ZDHHC11: variants seen among roughly 807,000 people sequenced by gnomAD.
ZDHHC11 encodes the protein palmitoyltransferase ZDHHC11.
A neutral mutation model predicts 51.3 loss-of-function variants in ZDHHC11; 44 were observed. That is an observed-to-expected ratio of 0.86 (90% confidence interval 0.67 to 1.10). The LOEUF (loss-of-function observed/expected upper bound fraction) is 1.10, where lower values mean the gene tolerates loss of function less well. ZDHHC11 is among the 50% of genes least tolerant of loss of function. The probability of loss-of-function intolerance (pLI) is 0.00; values close to 1 mark genes in which losing one functional copy is unlikely to be tolerated. For synonymous variants in ZDHHC11, 163 were observed against 222.0 expected (o/e 0.73, Z 2.36); for missense variants, 400 against 537.7 (o/e 0.74, Z 2.53).
In ZDHHC11 at chr5:818,994, T is replaced by C. The variant is rs1214349939; in HGVS notation, c.1146+531A>G. Reference sequence around the variant, plus strand: ...GACGGACACAGAGTCCATGTATCCATGTAACAAACACACACCATTCACACA... The same window carrying C: ...GACGGACACAGAGTCCATGTATCCACGTAACAAACACACACCATTCACACA... On this transcript the variant is annotated intron_variant, in intron 10 of 12. Coordinates refer to ENST00000283441, the MANE Select transcript of ZDHHC11 (RefSeq NM_024786.3). Among the ~76,000 whole-genome samples the C allele has an allele frequency of 3.3e-5, 5 of 151,476 alleles. No homozygotes were observed. In the East Asian group the frequency reaches 9.6e-4, roughly 29 times the overall value.
At chr5:840,694 G>A (rs376495523) in intron 4 of ZDHHC11, 44 bp from the exon 5 acceptor site, 83 of 1,610,768 alleles carry the variant, frequency 5.2e-5, no homozygotes, top group African/African-American at 3.7e-4. Flanking sequence ...ACCTGCTGAC[G>A]GGTGCCACAT....
At position 850,978 on chromosome 5, in the gene ZDHHC11, C is replaced by G. The variant is rs1397121586; in HGVS notation, c.-376G>C. 9.4e-6 allele frequency: 3 copies of G among 320,378 alleles called. No individual in the cohort carries two copies. The highest frequency in any genetic ancestry group is 1.7e-5 in the Non-Finnish European group (3 of 172,656). The allele number at this position is 320,378 out of a possible 1,614,324, so 19.8% of individuals were successfully genotyped here. ...CCCCACACAGCGACAGGTCCCACAA[C>G]CCGTTCACGAATACACAGGCCCACC... On this transcript the variant is annotated 5_prime_UTR_variant, in exon 1 of 13. Transcript: ENST00000283441.
At chr5:840,722 C>T (rs548022788) in intron 4 of ZDHHC11, 72 bp from the exon 5 acceptor site, 15 of 1,601,416 alleles carry the variant, frequency 9.4e-6, no homozygotes, top group Middle Eastern at 1.7e-4. Context: ...ACGTCACAGA[C>T]CAGAGCGTGC....
chr5:850,151 T>G (rs1312594536), intron 1 of ZDHHC11: 1 of 564,282 alleles, frequency 1.8e-6, no homozygotes, highest in African/African-American at 1.9e-5. Context: ...CCTGACAGAT[T>G]CCCTCTCCGG....
At chr5:824,143 C>G (rs1489965542) in intron 8 of ZDHHC11, 1 of 451,050 alleles carries the variant, frequency 2.2e-6, no homozygotes, top group Non-Finnish European at 4.5e-6. Context: ...GAAGCTGGCC[C>G]CATGACAAAA....
upstream of ZDHHC11, among the ~76,000 whole-genome samples, chr5:855,681 CCCA>C: frequency 6.7e-6 from 1 of 148,898 alleles, no homozygotes; most frequent in South Asian, 2.1e-4. Context: ...GGGGACAGAC[CCCA>C]CGGAGGACAG....
Position 819,684 on chromosome 5 carries a change from C to T in ZDHHC11, c.1059-72G>A, listed in dbSNP as rs1229933872. The T allele has an allele frequency of 1.3e-5, 20 of 1,491,960 alleles. 2 individuals are homozygous for T. The highest frequency in any genetic ancestry group is 1.2e-4 in the Admixed American group (7 of 58,560). 92.4% of individuals were successfully genotyped at this position (1,491,960 alleles called of 1,614,324 possible). A position where few individuals can be genotyped will look rare whatever the true frequency, so the allele number is the denominator to read the frequency against. On this transcript the variant is annotated intron_variant, in intron 9 of 12. Coordinates refer to ENST00000283441, the MANE Select transcript of ZDHHC11 (RefSeq NM_024786.3). ...GCGCTCAGGATGGCACTGGAGGCTA[C>T]AGTGTGTCCTGTAAGCACCACTGCA...
chr5:822,844 AT>A (rs1198058192), intron 8 of ZDHHC11, among the ~76,000 whole-genome samples: 13 of 151,788 alleles, frequency 8.6e-5, no homozygotes, highest in African/African-American at 3.1e-4. Flanking sequence ...AGCTACTCTA[AT>A]GGGGTGCAGC....
intron 11 of ZDHHC11, among the ~76,000 whole-genome samples, chr5:812,620 G>C (rs1272670620): frequency 1.3e-5 from 2 of 151,110 alleles, no homozygotes; most frequent in African/African-American, 4.9e-5. Flanking sequence ...TAAACCTTTT[G>C]GTAAAGTAAG....
At chr5:841,495 C>T (rs1744953412) in intron 4 of ZDHHC11, 1 of 994,144 alleles carries the variant, frequency 1.0e-6, no homozygotes, top group Admixed American at 6.1e-5. Flanking sequence ...GGTCACAGCA[C>T]CCATCCCTTC....
intron 11 of ZDHHC11, among the ~76,000 whole-genome samples, chr5:807,033 A>G (rs773980200): frequency 1.3e-5 from 2 of 151,086 alleles, no homozygotes; most frequent in Non-Finnish European, 3.0e-5. Flanking sequence ...TGTCAAGATC[A>G]AGCAGCACAG....
chr5:856,337 C>A (rs996479025), intron 1 of ZDHHC11, among the ~76,000 whole-genome samples: 1 of 151,022 alleles, frequency 6.6e-6, no homozygotes, highest in Non-Finnish European at 1.5e-5. Flanking sequence ...ACGCCACACA[C>A]CACACAATAC....
At chr5:854,573 G>C (rs1389738973), upstream of ZDHHC11, among the ~76,000 whole-genome samples, 2 of 149,984 alleles carry the variant, frequency 1.3e-5, no homozygotes, top group Non-Finnish European at 3.0e-5. Flanking sequence ...AGTGAGCCAG[G>C]GGTCACAGAT....
chr5:845,431 T>C (rs1348108283), intron 3 of ZDHHC11, among the ~76,000 whole-genome samples: 1 of 146,692 alleles, frequency 6.8e-6, no homozygotes, highest in Non-Finnish European at 1.5e-5. Flanking sequence ...CGGGGCCTCC[T>C]CTCCCCGCAG....
rs2150263326 is a variant in ZDHHC11, at chr5:796,547, G to C, written c.*41C>G. On this transcript the variant is annotated 3_prime_UTR_variant, in exon 13 of 13. Transcript: ENST00000283441. Reference sequence around the variant, plus strand: ...CCTTGATGGAGGGTGGGGTTTCAGGGTAGAAGACCTGGATCACAGGGGCAC... The same window carrying C: ...CCTTGATGGAGGGTGGGGTTTCAGGCTAGAAGACCTGGATCACAGGGGCAC... 1.3e-5 allele frequency: 2 copies of C among 148,914 alleles called. No individual in the cohort carries two copies. Among genetic ancestry groups the C allele is most frequent in the South Asian group, 4.5e-4 (2 of 4,424 alleles). 9.2% of individuals were successfully genotyped at this position (148,914 alleles called of 1,614,324 possible). A position where few individuals can be genotyped will look rare whatever the true frequency, so the allele number is the denominator to read the frequency against.
intron 12 of ZDHHC11, among the ~76,000 whole-genome samples, chr5:800,773 A>C (rs1482269243): frequency 3.3e-5 from 5 of 151,430 alleles, no homozygotes; most frequent in African/African-American, 1.2e-4. Context: ...TCATTATTTA[A>C]AGTTCTTAGA....
chr5:844,434 C>T (rs1200529433), intron 3 of ZDHHC11, among the ~76,000 whole-genome samples: 11 of 152,404 alleles, frequency 7.2e-5, no homozygotes, highest in South Asian at 2.1e-4. Flanking sequence ...GAGGGTCACA[C>T]GGCGTCTCCA....
At chr5:818,322 TG>T (rs539471877) in intron 10 of ZDHHC11, among the ~76,000 whole-genome samples, 1 of 151,638 alleles carries the variant, frequency 6.6e-6, no homozygotes, top group Admixed American at 6.6e-5. Flanking sequence ...CGGGGCAGGC[TG>T]GGGGCCCAAT....
At chr5:805,050 A>G (rs931558782) in intron 11 of ZDHHC11, among the ~76,000 whole-genome samples, 1 of 151,382 alleles carries the variant, frequency 6.6e-6, no homozygotes, top group African/African-American at 2.4e-5. Context: ...AAATATTGTT[A>G]ATGGGTGCAC....
Sources: allele counts gnomAD v4.1 joint callset (sites outside exome capture counted in the v4.1 genomes callset), GRCh38; gene constraint gnomAD v4.1.1; transcripts MANE v1.5; gene names NCBI Gene and HGNC (gene_info 2026-07-23, HGNC 2026-07-21).